Variants in RAB37 observed in about 807,000 individuals in gnomAD.
RAB37 encodes the protein RAB37, member RAS oncogene family, also known as ras-related protein Rab-37.
Under a neutral mutation model 33.1 loss-of-function variants are expected in RAB37, and 29 were observed. The ratio of observed to expected loss-of-function variants is 0.88; its 90% CI spans 0.65 to 1.20. The LOEUF is 1.20. RAB37 is among the 50% of genes most tolerant of loss of function. RAB37 has a pLI of 0.00. For missense variants in RAB37, 299 were observed against 301.1 expected (o/e 0.99, Z 0.05); for synonymous variants, 128 against 119.5 (o/e 1.07, Z -0.47).
intron 1 of RAB37, among the ~76,000 whole-genome samples, chr17:74,691,063 C>T (rs531085053): frequency 9.2e-5 from 14 of 152,142 alleles, no homozygotes; most frequent in South Asian, 2.1e-4. Context: ...GGACCACAGA[C>T]GCCTGGCTAA....
chr17:74,736,591 T>C (rs1160712667), upstream of RAB37: 5 of 1,527,228 alleles, frequency 3.3e-6, no homozygotes, highest in African/African-American at 1.4e-5. Context: ...TGCGCAGCCC[T>C]CTTGCGAAAG....
chr17:74,707,519 A>T (rs1567796967), intron 1 of RAB37, among the ~76,000 whole-genome samples: 1 of 152,192 alleles, frequency 6.6e-6, no homozygotes, highest in Non-Finnish European at 1.5e-5. Flanking sequence ...GTTTGAGACC[A>T]GCCTAGGCAA....
At chr17:74,684,206 C>G (rs773992355) in intron 1 of RAB37, among the ~76,000 whole-genome samples, 14 of 152,036 alleles carry the variant, frequency 9.2e-5, no homozygotes, top group Non-Finnish European at 2.1e-4. Context: ...TCAAGTGATC[C>G]TCCTACTTCA....
chr17:74,710,197 G>A (rs923629973), intron 1 of RAB37, among the ~76,000 whole-genome samples: 2 of 151,058 alleles, frequency 1.3e-5, no homozygotes, highest in African/African-American at 2.4e-5. Flanking sequence ...GGATGGTCTC[G>A]ATCTCCTGAC....
At chr17:74,686,020 C>T (rs62084866) in intron 1 of RAB37, among the ~76,000 whole-genome samples, 4,609 of 152,320 alleles carry the variant, frequency 0.03, 102 homozygotes, top group Non-Finnish European at 0.049. Context: ...GCTTTGCAAG[C>T]ACCAGCACTG....
rs376495805 is a variant in RAB37 at position 74,695,634 on chromosome 17, G to A, written c.72+23976G>A. On this transcript the variant is annotated intron_variant, in intron 1 of 7. Coordinates refer to the RAB37 transcript ENST00000340415. ...ACACCTGCCTCCTCTATGCCCACAT[G>A]AGCAGGAGAAAGCCCACCCTCCAAC... is the stretch of plus-strand genomic sequence containing the variant. The A allele has an allele frequency of 5.7e-6, 9 of 1,574,784 alleles. No homozygotes were observed. The African/African-American group carries it at 8.1e-5, about 14-fold the overall frequency.
intron 1 of RAB37, among the ~76,000 whole-genome samples, chr17:74,691,770 G>A (rs2032160770): frequency 6.6e-6 from 1 of 152,104 alleles, no homozygotes; most frequent in South Asian, 2.1e-4. Flanking sequence ...TCTGGGTAGT[G>A]CTGGCTGCTT....
chr17:74,707,204 A>C (rs1215078117), intron 1 of RAB37, among the ~76,000 whole-genome samples: 1 of 152,248 alleles, frequency 6.6e-6, no homozygotes, highest in Non-Finnish European at 1.5e-5. Context: ...GACAACCTAC[A>C]GAGTGAGAGA....
intron 1 of RAB37, among the ~76,000 whole-genome samples, chr17:74,686,324 C>T (rs2032054158): frequency 6.6e-6 from 1 of 152,118 alleles, no homozygotes; most frequent in Non-Finnish European, 1.5e-5. Context: ...AACTCCTGAG[C>T]TCAGGCAACC....
upstream of RAB37, among the ~76,000 whole-genome samples, chr17:74,735,879 C>T (rs539806847): frequency 2.6e-5 from 4 of 152,294 alleles, no homozygotes; most frequent in East Asian, 7.7e-4. Context: ...CCATAAGCCA[C>T]GTCTACCCCT....
At position 74,738,906 on chromosome 17, in the gene RAB37, G is replaced by T. The variant is rs1341718287; in HGVS notation, c.93+1541G>T. 6.6e-6 allele frequency among the ~76,000 whole-genome samples: 1 copy of T among 152,146 alleles called. No homozygotes were observed. Among genetic ancestry groups the T allele is most frequent in the East Asian group, 1.9e-4 (1 of 5,188 alleles). On this transcript the variant is annotated intron_variant, in intron 1 of 8. Transcript: ENST00000392613. The surrounding 1 kb of genome is among the most constrained non-coding windows in gnomAD (Gnocchi z 5.0). Reference sequence around the variant, plus strand: ...CTTAGGTGATTCACCACGATGATGGGCCCTAGCCATTAACAGACTCTAGAA... The same window carrying T: ...CTTAGGTGATTCACCACGATGATGGTCCCTAGCCATTAACAGACTCTAGAA...
rs955658022 is a variant in RAB37 at position 74,671,955 on chromosome 17, CT to C, written c.72+298del. 2.0e-5 allele frequency among the ~76,000 whole-genome samples: 3 copies of C among 152,166 alleles called. No individual in the cohort carries two copies. The highest frequency in any genetic ancestry group is 2.9e-5 in the Non-Finnish European group (2 of 68,012). ...GCCTATTTATGCCCCTGGGTGACCC[CT>C]GGCACCTTGCTCTCCTAACCCTTGT... On this transcript the variant is annotated intron_variant, in intron 1 of 7. Transcript: ENST00000340415. The surrounding 1 kb of genome is among the most constrained non-coding windows in gnomAD (Gnocchi z 5.0).
chr17:74,723,618 G>A (rs1023237754), intron 1 of RAB37, among the ~76,000 whole-genome samples: 6 of 137,320 alleles, frequency 4.4e-5, no homozygotes, highest in Admixed American at 1.6e-4. Flanking sequence ...TCACTCTGTC[G>A]CCCAGGCTGG....
intron 1 of RAB37, among the ~76,000 whole-genome samples, chr17:74,705,016 A>C (rs1407513823): frequency 2.0e-5 from 3 of 152,234 alleles, no homozygotes; most frequent in Non-Finnish European, 1.5e-5. Context: ...GAAGAGCACA[A>C]CAACGGATCC....
chr17:74,692,079 G>A (rs1169487053), intron 1 of RAB37, among the ~76,000 whole-genome samples: 2 of 151,916 alleles, frequency 1.3e-5, no homozygotes, highest in Non-Finnish European at 2.9e-5. Flanking sequence ...TGTTAGCCAG[G>A]ATGGTCTCGA....
chr17:74,745,365 ATG>A lies in RAB37; in HGVS notation c.628_629del (p.Val210ArgfsTer58). The stretch of plus-strand genomic sequence containing the variant: ...GAGCCCAGCTTCCAGATCCGAGACT[ATG>A]TAGAGTCCCAGAAGAAGCGCTCCAG... On this transcript the variant is annotated frameshift_variant, in exon 9 of 9. Transcript: ENST00000392613. LOFTEE classifies it high-confidence loss of function. The surrounding 1 kb of genome is among the most constrained non-coding windows in gnomAD (Gnocchi z 4.5). 6.2e-7 allele frequency: 1 copy of A among 1,614,146 alleles called. No homozygotes were observed. The highest frequency in any genetic ancestry group is 8.5e-7 in the Non-Finnish European group (1 of 1,180,022).
chr17:74,740,383 GAC>G (rs1316501325), intron 1 of RAB37, among the ~76,000 whole-genome samples: 1 of 152,222 alleles, frequency 6.6e-6, no homozygotes. Context: ...GACGATGGAT[GAC>G]ACAAGTACAC....
upstream of RAB37, among the ~76,000 whole-genome samples, chr17:74,733,583 G>C (rs1273098818): frequency 1.6e-5 from 1 of 61,748 alleles, no homozygotes; most frequent in Non-Finnish European, 3.5e-5. Context: ...TGAGGTGTGT[G>C]TGTCTGTGGT....
chr17:74,742,190 C>A lies in RAB37; in HGVS notation c.205-64C>A. ...GGCCTGGAGAGGGAACAAGACAGGA[C>A]GTCTGCAGAGCTGAGGAGCCACATG... On this transcript the variant is annotated intron_variant, in intron 2 of 8. Coordinates refer to ENST00000392613, the MANE Select transcript of RAB37 (RefSeq NM_001006638.3). The surrounding 1 kb of genome is among the most constrained non-coding windows in gnomAD (Gnocchi z 4.0). The A allele has an allele frequency of 6.3e-7, 1 of 1,588,298 alleles. No homozygotes were observed. The highest frequency in any genetic ancestry group is 2.3e-5 in the East Asian group (1 of 43,594).
Sources: allele counts gnomAD v4.1 joint callset (sites outside exome capture counted in the v4.1 genomes callset), GRCh38; gene constraint gnomAD v4.1.1; non-coding constraint Gnocchi (gnomAD v3.1); transcripts MANE v1.5; gene names NCBI Gene and HGNC (gene_info 2026-07-23, HGNC 2026-07-21).